KDM1A: variants seen among roughly 807,000 people sequenced by gnomAD.
KDM1A encodes lysine-specific histone demethylase 1A.
Under a neutral mutation model 109.4 loss-of-function variants are expected in KDM1A, and 49 were observed. The observed-to-expected ratio is 0.45, with a 90% CI of 0.36 to 0.57. The LOEUF (loss-of-function observed/expected upper bound fraction) is 0.57. KDM1A is among the 20% of genes least tolerant of loss of function. The pLI is 0.00. For synonymous variants in KDM1A, 380 were observed against 415.4 expected (o/e 0.91, Z 1.04); for missense variants, 668 against 1,116.6 (o/e 0.60, Z 5.73).
chr1:23,050,411 G>T lies in KDM1A; in HGVS notation c.602G>T (p.Ser201Ile). The T allele has an allele frequency of 6.2e-7, 1 of 1,611,962 alleles. No individual in the cohort carries two copies. ...ASGVEGAAFQ[S>I]RLPHDRMTSQ... ...GGTGTGGAGGGCGCAGCTTTCCAGA[G>T]CCGACTTCCTCATGACCGGATGACT... is the stretch of plus-strand genomic sequence containing the variant. Residue 201 changes from serine (S) to isoleucine (I), a missense_variant, in exon 4 of 21, where the codon AGC becomes ATC. Ser to Ile is a moderately radical substitution (Grantham distance 142). Transcript: ENST00000400181.
At chr1:23,055,209 G>A (rs554502733) in intron 6 of KDM1A, 48 bp downstream of exon 6, 3 of 1,078,348 alleles carry the variant, frequency 2.8e-6, no homozygotes, top group South Asian at 1.4e-5. Context: ...TTAAGTTACG[G>A]TTTCAGGACT....
chr1:23,043,750 A>G (rs1557531724), intron 2 of KDM1A, among the ~76,000 whole-genome samples: 1 of 152,238 alleles, frequency 6.6e-6, no homozygotes, highest in Non-Finnish European at 1.5e-5. Flanking sequence ...AACAAAGCTT[A>G]TTATGTAGCA....
At chr1:23,044,185 C>A in intron 2 of KDM1A, 1 of 424,258 alleles carries the variant, frequency 2.4e-6, no homozygotes, top group Non-Finnish European at 4.4e-6. Flanking sequence ...ATTAGAAATA[C>A]TATGTACTTT....
At chr1:23,035,898 C>T (rs1414220009) in intron 2 of KDM1A, among the ~76,000 whole-genome samples, 1 of 151,882 alleles carries the variant, frequency 6.6e-6, no homozygotes, top group African/African-American at 2.4e-5. Flanking sequence ...GATTGTCTTA[C>T]TTTAAAAGAA....
At chr1:23,051,500 G>A (rs1642668465) in intron 4 of KDM1A, among the ~76,000 whole-genome samples, 1 of 152,180 alleles carries the variant, frequency 6.6e-6, no homozygotes, top group Non-Finnish European at 1.5e-5. Context: ...TTAAAACAGT[G>A]ATAATCTATG....
chr1:23,040,344 C>T (rs1397076679), intron 2 of KDM1A, among the ~76,000 whole-genome samples: 3 of 152,118 alleles, frequency 2.0e-5, no homozygotes, highest in Non-Finnish European at 4.4e-5. Flanking sequence ...GATGAGAAAA[C>T]ATTCAGTAAT....
chr1:23,083,430 G>C lies in KDM1A; in HGVS notation c.*66G>C. On this transcript the variant is annotated 3_prime_UTR_variant, in exon 21 of 21. Transcript: ENST00000400181. Reference sequence around the variant, plus strand: ...CTGCCATGTAAGGAAGGCTCTTCTAGCAATACTAGATCCCACTGAGAAAAT... The same window carrying C: ...CTGCCATGTAAGGAAGGCTCTTCTACCAATACTAGATCCCACTGAGAAAAT... 1 of 1,486,252 alleles carries C rather than the reference G, an allele frequency of 6.7e-7. No individual in the cohort carries two copies. The highest frequency in any genetic ancestry group is 1.3e-5 in the South Asian group (1 of 78,002). The allele number at this position is 1,486,252 out of a possible 1,614,324, so 92.1% of individuals were successfully genotyped here.
rs759102202 is a variant in KDM1A, at chr1:23,055,981, G to A, written c.933G>A (p.Leu311=). The A allele has an allele frequency of 1.7e-5, 27 of 1,612,934 alleles. No homozygotes were observed. The highest frequency in any genetic ancestry group is 2.1e-5 in the Non-Finnish European group (25 of 1,179,422). The part of the protein sequence containing the change: ...VIIIGSGVSG[L]AAARQLQSFG... ...TTATAGGCTCTGGGGTCTCAGGCTT[G>A]GCAGCAGCTCGACAGTTACAAAGTT... is the stretch of plus-strand genomic sequence containing the variant. The change falls in exon 7 of 21, where the codon TTG becomes TTA. Residue 311 remains leucine, a synonymous_variant. Transcript: ENST00000400181.
At chr1:23,040,125 C>T (rs1642263104) in intron 2 of KDM1A, among the ~76,000 whole-genome samples, 1 of 152,130 alleles carries the variant, frequency 6.6e-6, no homozygotes, top group Non-Finnish European at 1.5e-5. Flanking sequence ...ATTGGAAAAT[C>T]GTTGCTTCCT....
intron 12 of KDM1A, among the ~76,000 whole-genome samples, chr1:23,069,781 C>T (rs721530): frequency 0.75 from 113,842 of 152,162 alleles, 43,472 homozygotes; most frequent in Non-Finnish European, 0.83. Context: ...CAGGGCTGAA[C>T]CGTTAGGGCT....
chr1:23,074,217 C>T (rs1643400061), intron 15 of KDM1A, among the ~76,000 whole-genome samples: 1 of 152,182 alleles, frequency 6.6e-6, no homozygotes, highest in African/African-American at 2.4e-5. Flanking sequence ...TCTTCCTGAG[C>T]TTATGAGCCA....
At position 23,077,278 on chromosome 1, in the gene KDM1A, C is replaced by T. The variant is rs1569816753; in HGVS notation, c.1785C>T (p.Tyr595=). The change falls in exon 16 of 21, where the codon TAC becomes TAT. Residue 595 remains tyrosine, a synonymous_variant. Transcript: ENST00000400181. ...TGSHLTVRNG[Y]SCVPVALAEG... The stretch of plus-strand genomic sequence containing the variant: ...GCCACCTGACAGTAAGGAATGGCTA[C>T]TCGTGTGTGCCTGTGGCTTTAGCAG... The T allele has an allele frequency of 3.1e-6, 5 of 1,613,984 alleles. No homozygotes were observed. Among genetic ancestry groups the T allele is most frequent in the Non-Finnish European group, 4.2e-6 (5 of 1,179,962 alleles).
intron 15 of KDM1A, among the ~76,000 whole-genome samples, chr1:23,075,957 A>T (rs1045220185): frequency 6.6e-6 from 1 of 152,186 alleles, no homozygotes; most frequent in African/African-American, 2.4e-5. Flanking sequence ...CAAAAAAAAA[A>T]TTATTTTGAC....
Position 23,083,489 on chromosome 1 carries a change from G to A in KDM1A, c.*125G>A. ...GCATCTGGGCTCCTGATCAGCTGAT[G>A]GAGCTCCTGATTTGACAAAGGAGCT... On this transcript the variant is annotated 3_prime_UTR_variant, in exon 21 of 21. Coordinates refer to ENST00000400181, the MANE Select transcript of KDM1A (RefSeq NM_001009999.3). 1.1e-6 allele frequency: 1 copy of A among 904,628 alleles called. No individual in the cohort carries two copies. Among genetic ancestry groups the A allele is most frequent in the Non-Finnish European group, 1.6e-6 (1 of 623,392 alleles). 56.0% of individuals were successfully genotyped at this position (904,628 alleles called of 1,614,324 possible).
At chr1:23,081,239 G>A in intron 18 of KDM1A, 1 of 528,444 alleles carries the variant, frequency 1.9e-6, no homozygotes, top group Non-Finnish European at 3.3e-6. Flanking sequence ...CTTCACTCTA[G>A]TCTGCCAGCT....
At position 23,079,891 on chromosome 1, in the gene KDM1A, A is replaced by G. The variant is rs757514012; in HGVS notation, c.2170+224A>G. 5.3e-5 allele frequency among the ~76,000 whole-genome samples: 8 copies of G among 152,208 alleles called. No individual in the cohort carries two copies. The highest frequency in any genetic ancestry group is 1.2e-4 in the Non-Finnish European group (8 of 68,040). On this transcript the variant is annotated intron_variant, in intron 18 of 20. Transcript: ENST00000400181. The surrounding 1 kb of genome is among the most constrained non-coding windows in gnomAD (Gnocchi z 5.6). ...CGGGGAAGCAGGCTTAGAACAGGGC[A>G]GTAGGTGGCCTGATGGGCTGAACGC...
intron 16 of KDM1A, among the ~76,000 whole-genome samples, chr1:23,077,729 T>C (rs1643506294): frequency 6.6e-6 from 1 of 152,172 alleles, no homozygotes. Context: ...GGATCTAGTT[T>C]TGTTAAGTAT....
At chr1:23,081,654 CAGGA>C in intron 19 of KDM1A, 81 bp downstream of exon 19, 1 of 1,517,932 alleles carries the variant, frequency 6.6e-7, no homozygotes, top group Non-Finnish European at 9.0e-7. Flanking sequence ...TGTTCTTGGT[CAGGA>C]CAGTTTAAGC....
At chr1:23,020,496 TC>T (rs1641590557) in intron 1 of KDM1A, 2 of 152,096 alleles carry the variant, frequency 1.3e-5, no homozygotes, top group Non-Finnish European at 2.9e-5. Flanking sequence ...TTTTTTTTTT[TC>T]TTTTTTAAAA....
Sources: gnomAD v4.1 joint callset for allele counts (sites outside exome capture counted in the v4.1 genomes callset) on GRCh38, gnomAD v4.1.1 for gene constraint, Gnocchi (gnomAD v3.1) non-coding constraint, MANE v1.5 for transcripts, NCBI Gene and HGNC (gene_info 2026-07-23, HGNC 2026-07-21) for gene names.